The following RBM19 variants were observed in gnomAD, a reference collection of about 807,000 sequenced individuals.
RBM19 encodes RNA binding motif protein 19, also known as probable RNA-binding protein 19.
In RBM19, 94 loss-of-function variants were observed where a neutral mutation model predicts 116.8. That is an observed-to-expected ratio of 0.80 (90% CI 0.68 to 0.95). RBM19 has a LOEUF of 0.95. Among genes scored for constraint, RBM19 ranks in the 40% least tolerant of loss-of-function variants. The probability of loss-of-function intolerance (pLI) is 0.00; values close to 1 mark genes in which losing one functional copy is unlikely to be tolerated. For missense variants in RBM19, 1,161 were observed against 1,220.7 expected (o/e 0.95, Z 0.73); for synonymous variants, 475 against 494.1 (o/e 0.96, Z 0.51).
At chr12:113,826,568 G>A (rs1399269888) in intron 23 of RBM19, among the ~76,000 whole-genome samples, 2 of 152,306 alleles carry the variant, frequency 1.3e-5, no homozygotes, top group South Asian at 2.1e-4. Flanking sequence ...GCTCTGGGTC[G>A]GGCATGGTGG....
rs543769269 is a variant in RBM19, at chr12:113,861,558, GAGA to G, written c.2559-2665_2559-2663del. ...GGGGTGGTGGTGTGAGAGAGAAAGA[GAGA>G]AGGAGAGAAAGAGAGAGAGAGAGAA... On this transcript the variant is annotated intron_variant, in intron 21 of 23. Transcript: ENST00000261741. Among the ~76,000 whole-genome samples, 633 of 151,776 alleles carry G rather than the reference GAGA, an allele frequency of 4.2e-3. 8 individuals carry two copies. Among genetic ancestry groups the G allele is most frequent in the African/African-American group, 0.014 (572 of 41,292 alleles).
At position 113,823,184 on chromosome 12, in the gene RBM19, T is replaced by G; in HGVS notation, c.*40A>C. ...GCAGAAGCTGGAGCGGCTGTCCCGG[T>G]CCCCAGGGCCCCGGAGCCACACACC... is the stretch of plus-strand genomic sequence containing the variant. On this transcript the variant is annotated 3_prime_UTR_variant, in exon 24 of 24. Coordinates refer to ENST00000261741, the MANE Select transcript of RBM19 (RefSeq NM_016196.4). 6.4e-7 allele frequency: 1 copy of G among 1,563,972 alleles called. No homozygotes were observed. The highest frequency in any genetic ancestry group is 8.7e-7 in the Non-Finnish European group (1 of 1,148,172).
chr12:113,911,656 C>T (rs909892779), intron 21 of RBM19, among the ~76,000 whole-genome samples: 2 of 152,140 alleles, frequency 1.3e-5, no homozygotes, highest in Non-Finnish European at 2.9e-5. Flanking sequence ...GCGTGGTGGC[C>T]TGAGGCATCT....
At chr12:113,883,957 C>T (rs1164287998) in intron 21 of RBM19, among the ~76,000 whole-genome samples, 1 of 152,076 alleles carries the variant, frequency 6.6e-6, no homozygotes, top group African/African-American at 2.4e-5. Context: ...GAGATAGAAG[C>T]ATATGCATCT....
chr12:113,958,502 T>C (rs73401074), intron 5 of RBM19, among the ~76,000 whole-genome samples: 34,044 of 151,936 alleles, frequency 0.22, 4,984 homozygotes, highest in African/African-American at 0.41. Flanking sequence ...GCCCATGCAC[T>C]TTCCTTTCCT....
At chr12:113,910,291 C>T (rs1019450925) in intron 21 of RBM19, among the ~76,000 whole-genome samples, 1 of 152,246 alleles carries the variant, frequency 6.6e-6, no homozygotes, top group African/African-American at 2.4e-5. Flanking sequence ...CATTCCCACC[C>T]TGCAGGCGAG....
At chr12:113,849,181 A>G (rs1167144982) in intron 22 of RBM19, among the ~76,000 whole-genome samples, 1 of 152,220 alleles carries the variant, frequency 6.6e-6, no homozygotes, top group Non-Finnish European at 1.5e-5. Flanking sequence ...CTCCGTTTCC[A>G]GAACCTGCTC....
At chr12:113,844,818 A>T (rs139525945) in intron 22 of RBM19, 30 bp from the exon 23 acceptor site, 2 of 1,587,970 alleles carry the variant, frequency 1.3e-6, no homozygotes, top group Non-Finnish European at 8.6e-7. Flanking sequence ...GAAACTGCAC[A>T]TCAGCTGGAT....
chr12:113,950,908 C>A (rs1239301897), intron 8 of RBM19, among the ~76,000 whole-genome samples: 1 of 152,098 alleles, frequency 6.6e-6, no homozygotes, highest in East Asian at 1.9e-4. Context: ...TCTCCATGGC[C>A]ACACCCTAGG....
At chr12:113,936,783 T>C (rs1235165291) in intron 16 of RBM19, 4 of 426,562 alleles carry the variant, frequency 9.4e-6, no homozygotes, top group African/African-American at 7.2e-5. Context: ...TTTTTTCCCC[T>C]AAAAGCTTTA....
rs1315307478 is a variant in RBM19 at position 113,962,310 on chromosome 12, A to G, written c.141T>C (p.Ile47=). 6.2e-7 allele frequency: 1 copy of G among 1,614,236 alleles called. No homozygotes were observed. Among genetic ancestry groups the G allele is most frequent in the East Asian group, 2.2e-5 (1 of 44,886 alleles). Reference sequence around the variant, plus strand: ...GGGCCTCTTCCTCGGACTTGAAGCCAATAAAACCAAACTTGCGGAACTTGC... The same window carrying G: ...GGGCCTCTTCCTCGGACTTGAAGCCGATAAAACCAAACTTGCGGAACTTGC... ...KDGKFRKFGF[I]GFKSEEEAQK... is the part of the protein sequence containing the mutation. The change falls in exon 2 of 24, where the codon ATT becomes ATC. Residue 47 remains isoleucine, a synonymous_variant. Transcript: ENST00000261741.
intron 21 of RBM19, among the ~76,000 whole-genome samples, chr12:113,894,049 C>T (rs534466472): frequency 3.3e-5 from 5 of 152,282 alleles, no homozygotes; most frequent in Non-Finnish European, 7.4e-5. Flanking sequence ...TCTGCACCAC[C>T]TTCTCTCTTT....
rs1208570417 is a variant in RBM19 at position 113,903,209 on chromosome 12, C to T, written c.2558+11760G>A. On this transcript the variant is annotated intron_variant, in intron 21 of 23. Transcript: ENST00000261741. This position sits in a 1 kb window ranked among gnomAD's most constrained non-coding sequence, Gnocchi z 5.1. Reference sequence around the variant, plus strand: ...GCTCAAGTCCCTTCTGCATTATTTTCGATCTGTGGTTGGTGGAATCTGTGG... The same window carrying T: ...GCTCAAGTCCCTTCTGCATTATTTTTGATCTGTGGTTGGTGGAATCTGTGG... Among the ~76,000 whole-genome samples, 5 of 152,162 alleles carry T rather than the reference C, an allele frequency of 3.3e-5. No homozygotes were observed. The highest frequency in any genetic ancestry group is 7.2e-5 in the African/African-American group (3 of 41,446).
chr12:113,939,812 G>T, intron 15 of RBM19, 148 bp downstream of exon 15: 1 of 785,878 alleles, frequency 1.3e-6, no homozygotes, highest in Non-Finnish European at 2.0e-6. Flanking sequence ...AGGCGGCAGG[G>T]ATGATATTCA....
rs538977409 is a variant in RBM19 at position 113,899,773 on chromosome 12, G to C, written c.2558+15196C>G. 7.9e-5 allele frequency among the ~76,000 whole-genome samples: 12 copies of C among 151,950 alleles called. No individual in the cohort carries two copies. The East Asian group carries it at 2.1e-3, about 27-fold the overall frequency. ...GGGGAGAGAAGCTGTTCCTAAAGAG[G>C]AATCCCCCAAGCTGTCTGGGGCTCC... On this transcript the variant is annotated intron_variant, in intron 21 of 23. Coordinates refer to ENST00000261741, the MANE Select transcript of RBM19 (RefSeq NM_016196.4).
intron 16 of RBM19, among the ~76,000 whole-genome samples, chr12:113,936,566 C>T (rs1870083699): frequency 6.6e-6 from 1 of 152,186 alleles, no homozygotes; most frequent in African/African-American, 2.4e-5. Context: ...TGGGGGTTGC[C>T]CTATCTGGCC....
chr12:113,921,858 C>A (rs56005504), intron 18 of RBM19, among the ~76,000 whole-genome samples: 3,920 of 152,296 alleles, frequency 0.026, 86 homozygotes, highest in Non-Finnish European at 0.038. Flanking sequence ...TGACACTATG[C>A]AGATCCACTC....
At chr12:113,957,523 C>T (rs1343154254) in intron 6 of RBM19, among the ~76,000 whole-genome samples, 5 of 152,060 alleles carry the variant, frequency 3.3e-5, no homozygotes, top group Non-Finnish European at 7.4e-5. Context: ...GCTGAGATTG[C>T]ACCACCGCAC....
rs16943388 is a variant in RBM19, at chr12:113,920,550, C to T, written c.2385+61G>A. ...TTCTCACTCAATTTCAGAGGGCTGA[C>T]GGGACCTCCCACTACCTGCCAAGTG... On this transcript the variant is annotated intron_variant, in intron 19 of 23. Coordinates refer to ENST00000261741, the MANE Select transcript of RBM19 (RefSeq NM_016196.4). 20,392 of 1,436,024 alleles carry T rather than the reference C, an allele frequency of 0.014. 2,266 individuals are homozygous for T. In the African/African-American group the frequency reaches 0.25, roughly 17 times the overall value. 89.0% of individuals were successfully genotyped at this position (1,436,024 alleles called of 1,614,324 possible). A position where few individuals can be genotyped will look rare whatever the true frequency, so the allele number is the denominator to read the frequency against.
Sources: gnomAD v4.1 joint callset for allele counts (sites outside exome capture counted in the v4.1 genomes callset) on GRCh38, gnomAD v4.1.1 for gene constraint, Gnocchi (gnomAD v3.1) non-coding constraint, MANE v1.5 for transcripts, NCBI Gene and HGNC (gene_info 2026-07-23, HGNC 2026-07-21) for gene names.